The following COL4A1 variants were observed in gnomAD, a reference collection of about 807,000 sequenced individuals.
COL4A1 encodes collagen type IV alpha 1 chain, also known as collagen alpha-1(IV) chain.
COL4A1 carries 40 observed loss-of-function variants against 216.6 expected under a neutral mutation model. The ratio of observed to expected loss-of-function variants is 0.18; its 90% CI spans 0.14 to 0.24. The LOEUF (loss-of-function observed/expected upper bound fraction) is 0.24, where lower values mean the gene tolerates loss of function less well. Ranked by LOEUF, COL4A1 falls within the 10% of genes least tolerant of loss-of-function variation. COL4A1 has a pLI of 1.00. For missense variants in COL4A1, 1,628 were observed against 2,196.8 expected (o/e 0.74, Z 5.18); for synonymous variants, 839 against 810.7 (o/e 1.03, Z -0.59).
chr13:110,246,697 G>C (rs1214245219), intron 1 of COL4A1, among the ~76,000 whole-genome samples: 1 of 152,144 alleles, frequency 6.6e-6, no homozygotes, highest in Non-Finnish European at 1.5e-5. Flanking sequence ...TTCTCCCGGT[G>C]TCTGGATGAC....
In COL4A1 at chr13:110,150,336, T is replaced by C. The variant is rs776017720; in HGVS notation, c.*27A>G. 7 of 1,605,954 alleles carry C rather than the reference T, an allele frequency of 4.4e-6. No individual in the cohort carries two copies. The highest frequency in any genetic ancestry group is 6.0e-6 in the Non-Finnish European group (7 of 1,173,938). On this transcript the variant is annotated 3_prime_UTR_variant, in exon 52 of 52. Coordinates refer to ENST00000375820, the MANE Select transcript of COL4A1 (RefSeq NM_001845.6). The stretch of plus-strand genomic sequence containing the variant: ...AAAAAGAAGAAGAAGTAGCACCATG[T>C]TGTGACATTAGCTGAGTCAGGCTTC...
Position 110,212,468 on chromosome 13 carries a change from G to T in COL4A1, c.336C>A (p.Gly112=), listed in dbSNP as rs1268631640. ...CTGGGGGGCCTGGCGGGCCGTCTTG[G>T]CCAGGAATTCCCTGCAATGAAGAAA... The part of the protein sequence containing the change: ...PGNPGLPGIP[G]QDGPPGPPGI... Residue 112 remains glycine (G), a synonymous_variant, in exon 6 of 52, where the codon GGC becomes GGA. Transcript: ENST00000375820. 2 of 1,614,172 alleles carry T rather than the reference G, an allele frequency of 1.2e-6. No homozygotes were observed. The highest frequency in any genetic ancestry group is 3.3e-5 in the Admixed American group (2 of 60,022).
At chr13:110,167,393 C>A (rs544345677) in intron 43 of COL4A1, among the ~76,000 whole-genome samples, 163 bp from the exon 44 acceptor site, 40 of 152,292 alleles carry the variant, frequency 2.6e-4, no homozygotes, top group African/African-American at 9.1e-4. Flanking sequence ...ATAACAACAC[C>A]TTTGCATGTG....
chr13:110,233,414 G>A (rs1268681894), intron 2 of COL4A1, among the ~76,000 whole-genome samples: 1 of 152,136 alleles, frequency 6.6e-6, no homozygotes, highest in Non-Finnish European at 1.5e-5. Flanking sequence ...AGACACCCTC[G>A]GGTCCTGCAG....
chr13:110,151,958 C>T (rs79847971), intron 51 of COL4A1, among the ~76,000 whole-genome samples: 3,444 of 152,264 alleles, frequency 0.023, 51 homozygotes, highest in Non-Finnish European at 0.035. Context: ...GTGTACATTA[C>T]GATCAGTGTT....
chr13:110,273,844 C>T (rs1443815769), intron 1 of COL4A1, among the ~76,000 whole-genome samples: 3 of 152,116 alleles, frequency 2.0e-5, no homozygotes, highest in Admixed American at 6.5e-5. Context: ...GGGTTGCAGA[C>T]GCGCATCTGC....
chr13:110,247,793 G>GTGTA (rs1881888648), intron 1 of COL4A1, among the ~76,000 whole-genome samples: 1 of 40,344 alleles, frequency 2.5e-5, no homozygotes, highest in Non-Finnish European at 5.9e-5. Context: ...TGCTACTCGT[G>GTGTA]TGTGTGTGTG....
chr13:110,288,790 T>C (rs949753353), intron 1 of COL4A1, among the ~76,000 whole-genome samples: 2 of 152,178 alleles, frequency 1.3e-5, no homozygotes, highest in Middle Eastern at 3.4e-3. Context: ...TCCCAGCACT[T>C]TGGGAGGCTG....
intron 8 of COL4A1, 43 bp from the exon 9 acceptor site, chr13:110,210,255 A>G: frequency 2.5e-6 from 4 of 1,580,432 alleles, no homozygotes; most frequent in South Asian, 1.1e-5. Flanking sequence ...AAATATCGAC[A>G]TTCATGTAAA....
intron 12 of COL4A1, among the ~76,000 whole-genome samples, chr13:110,208,405 C>A (rs923551116): frequency 2.0e-5 from 3 of 152,146 alleles, no homozygotes; most frequent in Non-Finnish European, 2.9e-5. Context: ...CTGGACATGC[C>A]CGCCTCTGAG....
intron 1 of COL4A1, among the ~76,000 whole-genome samples, chr13:110,272,633 C>T (rs997675619): frequency 2.6e-5 from 4 of 152,312 alleles, no homozygotes; most frequent in African/African-American, 9.6e-5. Context: ...AATGGTGACA[C>T]TTCGCTACAA....
At chr13:110,218,293 T>C (rs1380957097) in intron 2 of COL4A1, among the ~76,000 whole-genome samples, 1 of 152,122 alleles carries the variant, frequency 6.6e-6, no homozygotes, top group Non-Finnish European at 1.5e-5. Flanking sequence ...AATATTAGGA[T>C]CACGGATCTT....
At chr13:110,302,988 C>T (rs1211435888) in intron 1 of COL4A1, among the ~76,000 whole-genome samples, 1 of 152,086 alleles carries the variant, frequency 6.6e-6, no homozygotes, top group Non-Finnish European at 1.5e-5. Flanking sequence ...TCATCAAAAC[C>T]ACTGTTGTCA....
intron 49 of COL4A1, among the ~76,000 whole-genome samples, chr13:110,159,271 TG>T (rs11310642): frequency 0.99 from 150,504 of 152,280 alleles, 74,402 homozygotes; most frequent in East Asian, 1. Context: ...CTGGTGGAAC[TG>T]GGGAGTGTGT....
chr13:110,205,405 C>T lies in COL4A1; in HGVS notation c.905G>A (p.Gly302Asp), dbSNP rs1233401957. 6.2e-7 allele frequency: 1 copy of T among 1,613,974 alleles called. No homozygotes were observed. Among genetic ancestry groups the T allele is most frequent in the East Asian group, 2.2e-5 (1 of 44,886 alleles). The change falls in exon 17 of 52, where the codon GGT becomes GAT. Residue 302 changes from glycine to aspartate, a missense_variant and splice_region_variant. Physicochemically the swap from Gly to Asp is moderately conservative, Grantham distance 94. This residue lies in a region of COL4A1 where 701 missense variants were observed against 892.5 expected (regional missense o/e 0.79). Coordinates refer to ENST00000375820, the MANE Select transcript of COL4A1 (RefSeq NM_001845.6). ...DGDKGEKGSPGFPGEPGYPGL... is the reference protein window; with the variant it reads ...DGDKGEKGSPDFPGEPGYPGL... ...TGGGTACCCGGGTTCACCAGGAAAA[C>T]CCTGAAACCGAAGAGAGAAGCAGTA...
chr13:110,224,763 G>T (rs1880659828), intron 2 of COL4A1, among the ~76,000 whole-genome samples: 1 of 152,214 alleles, frequency 6.6e-6, no homozygotes, highest in African/African-American at 2.4e-5. Flanking sequence ...GACAGCCGAG[G>T]ATGTTATTAA....
rs1177212376 is a variant in COL4A1 at position 110,183,846 on chromosome 13, G to A, written c.1898-570C>T. 2.6e-5 allele frequency among the ~76,000 whole-genome samples: 4 copies of A among 152,262 alleles called. No homozygotes were observed. The East Asian group carries it at 5.8e-4, about 22-fold the overall frequency. ...CTCCCAAGCCAGGAAGCACAGCCCC[G>A]GCCCTCTGGGCACTCATGCCTAGGA... On this transcript the variant is annotated intron_variant, in intron 26 of 51. Coordinates refer to ENST00000375820, the MANE Select transcript of COL4A1 (RefSeq NM_001845.6).
At chr13:110,203,747 A>C in intron 17 of COL4A1, 140 bp from the exon 18 acceptor site, 2 of 854,216 alleles carry the variant, frequency 2.3e-6, no homozygotes, top group Non-Finnish European at 3.8e-6. Flanking sequence ...AATATCTCTC[A>C]TTCTGTGACG....
chr13:110,209,928 A>G (rs754666999), intron 10 of COL4A1, 52 bp downstream of exon 10: 4 of 1,570,530 alleles, frequency 2.5e-6, no homozygotes, highest in East Asian at 4.5e-5. Flanking sequence ...TCAAACCTCA[A>G]TATAGTTGTT....
Sources: allele counts gnomAD v4.1 joint callset (sites outside exome capture counted in the v4.1 genomes callset), GRCh38; gene constraint gnomAD v4.1.1; regional missense constraint gnomAD v4.1.1; transcripts MANE v1.5; gene names NCBI Gene and HGNC (gene_info 2026-07-23, HGNC 2026-07-21).